ASTN2: variants seen among roughly 807,000 people sequenced by gnomAD.
The protein encoded by ASTN2 is astrotactin-2.
In ASTN2, 54 loss-of-function variants were observed where a neutral mutation model predicts 139.8. That is an observed-to-expected ratio of 0.39 (90% confidence interval 0.31 to 0.48). The LOEUF is 0.48. Among genes scored for constraint, ASTN2 ranks in the 20% least tolerant of loss-of-function variants. The pLI, the probability that ASTN2 is intolerant of heterozygous loss-of-function variation, is 0.95. For synonymous variants in ASTN2, 756 were observed against 719.5 expected, an observed-to-expected ratio of 1.05 and a Z score of -0.81; for missense variants, 1,565 against 1,725.1, an observed-to-expected ratio of 0.91 and a Z score of 1.64.
chr9:117,308,642 A>C (rs1264627163), intron 1 of ASTN2, among the ~76,000 whole-genome samples: 2 of 152,156 alleles, frequency 1.3e-5, no homozygotes, highest in Admixed American at 1.3e-4. Flanking sequence ...AGGGACCTGG[A>C]TAAGAAGAGA....
chr9:116,668,921 G>A (rs1859027583), intron 16 of ASTN2, among the ~76,000 whole-genome samples: 1 of 152,138 alleles, frequency 6.6e-6, no homozygotes, highest in Non-Finnish European at 1.5e-5. Context: ...AGAGACTCAG[G>A]CACCAGACCA....
intron 1 of ASTN2, among the ~76,000 whole-genome samples, chr9:117,336,591 G>A (rs117622182): frequency 2.4e-4 from 36 of 152,220 alleles, no homozygotes; most frequent in Non-Finnish European, 4.4e-4. Context: ...TATGCATTCC[G>A]TTGAGTACTT....
intron 6 of ASTN2, among the ~76,000 whole-genome samples, chr9:117,037,189 A>T (rs1341880105): frequency 6.6e-6 from 1 of 152,118 alleles, no homozygotes; most frequent in African/African-American, 2.4e-5. Flanking sequence ...GTCTAGAGGC[A>T]GAAACAGACA....
At chr9:116,682,604 T>C (rs952627715) in intron 16 of ASTN2, among the ~76,000 whole-genome samples, 9 of 152,160 alleles carry the variant, frequency 5.9e-5, no homozygotes, top group African/African-American at 2.2e-4. Context: ...CTATTCACAA[T>C]AGCAAAGACT....
chr9:116,536,341 C>T (rs574643872), intron 19 of ASTN2, among the ~76,000 whole-genome samples: 2 of 152,172 alleles, frequency 1.3e-5, no homozygotes, highest in African/African-American at 4.8e-5. Flanking sequence ...CTTCTGAAGC[C>T]TTCTTCTCTC....
intron 17 of ASTN2, among the ~76,000 whole-genome samples, chr9:116,648,828 G>T (rs1857743710): frequency 6.6e-6 from 1 of 152,138 alleles, no homozygotes. Flanking sequence ...CAGGTCAGAA[G>T]TTCGAGACCA....
Position 117,067,931 on chromosome 9 carries a change from T to C in ASTN2, c.1277-27966A>G, listed in dbSNP as rs1340073008. On this transcript the variant is annotated intron_variant, in intron 5 of 22. Coordinates refer to ENST00000313400, the MANE Select transcript of ASTN2 (RefSeq NM_001365068.1). ...GGCTGAGACAGTGGGGTTTTCTAGA[T>C]ATACAATCATGTCGTCTGCAAACAG... 4.0e-4 allele frequency among the ~76,000 whole-genome samples: 49 copies of C among 121,624 alleles called. 4 individuals are homozygous for C. The highest frequency in any genetic ancestry group is 2.7e-4 in the Non-Finnish European group (15 of 55,876). The allele number at this position is 121,624 out of a possible 152,430, so 79.8% of individuals were successfully genotyped here. A position where few individuals can be genotyped will look rare whatever the true frequency, so the allele number is the denominator to read the frequency against.
At chr9:117,067,282 G>A (rs1324534772) in intron 5 of ASTN2, among the ~76,000 whole-genome samples, 81 of 133,050 alleles carry the variant, frequency 6.1e-4, no homozygotes, top group African/African-American at 2.0e-3. Flanking sequence ...CCCATTTCTT[G>A]TTTTTCTCAG....
intron 16 of ASTN2, among the ~76,000 whole-genome samples, chr9:116,674,677 T>TCCTATA (rs1859397799): frequency 6.6e-6 from 1 of 152,158 alleles, no homozygotes; most frequent in Non-Finnish European, 1.5e-5. Flanking sequence ...TGTGTCTATC[T>TCCTATA]CCTATAACTA....
intron 10 of ASTN2, among the ~76,000 whole-genome samples, chr9:116,964,580 G>C (rs11793746): frequency 0.27 from 40,538 of 152,014 alleles, 5,662 homozygotes; most frequent in Admixed American, 0.36. Context: ...TGCAATGGCA[G>C]AGGATAAAAA....
intron 19 of ASTN2, among the ~76,000 whole-genome samples, chr9:116,609,797 A>G (rs1855437445): frequency 6.6e-6 from 1 of 152,188 alleles, no homozygotes; most frequent in Non-Finnish European, 1.5e-5. Context: ...AATAACACAT[A>G]TGACAAAAAC....
chr9:116,874,331 T>A (rs1326219372), intron 10 of ASTN2, among the ~76,000 whole-genome samples: 1 of 152,168 alleles, frequency 6.6e-6, no homozygotes, highest in Non-Finnish European at 1.5e-5. Context: ...CCTGGGAGTG[T>A]CTTGTGCTTC....
rs138813554 is a variant in ASTN2 at position 117,276,175 on chromosome 9, A to G, written c.630+15151T>C. Reference sequence around the variant, plus strand: ...ATCAGGCACCAAGTCTGTACTTAACATGGATGCTTCCATGCCTCACAATGA... The same window carrying G: ...ATCAGGCACCAAGTCTGTACTTAACGTGGATGCTTCCATGCCTCACAATGA... On this transcript the variant is annotated intron_variant, in intron 2 of 22. Transcript: ENST00000313400. 7.1e-3 allele frequency among the ~76,000 whole-genome samples: 1,076 copies of G among 152,326 alleles called. 5 individuals carry two copies. The highest frequency in any genetic ancestry group is 0.01 in the Non-Finnish European group (710 of 68,034).
chr9:116,582,710 G>A (rs960273575), intron 19 of ASTN2: 8 of 152,200 alleles, frequency 5.3e-5, no homozygotes, highest in Non-Finnish European at 8.8e-5. Flanking sequence ...GATCTATCAG[G>A]AAGTTCACAG....
At chr9:116,809,177 G>A (rs563725015) in intron 12 of ASTN2, among the ~76,000 whole-genome samples, 8 of 152,098 alleles carry the variant, frequency 5.3e-5, no homozygotes, top group South Asian at 4.1e-4. Flanking sequence ...CCCACAAGAC[G>A]ATAAAATATA....
At chr9:117,325,325 G>C (rs1239099966) in intron 1 of ASTN2, among the ~76,000 whole-genome samples, 1 of 152,092 alleles carries the variant, frequency 6.6e-6, no homozygotes, top group Non-Finnish European at 1.5e-5. Flanking sequence ...CTCAGTTTCT[G>C]ACCCTATAGC....
intron 12 of ASTN2, among the ~76,000 whole-genome samples, chr9:116,818,907 C>CTTGG (rs1445108274): frequency 6.6e-6 from 1 of 152,098 alleles, no homozygotes; most frequent in Non-Finnish European, 1.5e-5. Context: ...GTCATATGAC[C>CTTGG]TTGGGCATGT....
At chr9:116,880,942 T>A (rs1307270641) in intron 10 of ASTN2, among the ~76,000 whole-genome samples, 1 of 152,242 alleles carries the variant, frequency 6.6e-6, no homozygotes, top group East Asian at 1.9e-4. Context: ...TATAGACACA[T>A]AAAGACGTCA....
At chr9:117,181,519 G>A (rs748103289) in intron 3 of ASTN2, among the ~76,000 whole-genome samples, 29 of 152,076 alleles carry the variant, frequency 1.9e-4, no homozygotes, top group Non-Finnish European at 3.2e-4. Context: ...AATGGCCACC[G>A]AGTGAACAAT....
Sources: allele counts gnomAD v4.1 joint callset (sites outside exome capture counted in the v4.1 genomes callset), GRCh38; gene constraint gnomAD v4.1.1; transcripts MANE v1.5; gene names NCBI Gene and HGNC (gene_info 2026-07-23, HGNC 2026-07-21).